SIAH3: variants seen among roughly 807,000 people sequenced by gnomAD.
SIAH3 encodes the protein siah E3 ubiquitin protein ligase family member 3.
Under a neutral mutation model 12.6 loss-of-function variants are expected in SIAH3, and 9 were observed. That is an observed-to-expected ratio of 0.72 (90% CI 0.43 to 1.25). The LOEUF is 1.25. SIAH3 is among the 50% of genes most tolerant of loss of function. The probability of loss-of-function intolerance (pLI) is 0.00; values close to 1 mark genes in which losing one functional copy is unlikely to be tolerated. For missense variants in SIAH3, 390 were observed against 365.4 expected (o/e 1.07, Z -0.55); for synonymous variants, 154 against 151.1 (o/e 1.02, Z -0.14).
At chr13:45,816,971 G>T (rs1806929917) in intron 1 of SIAH3, among the ~76,000 whole-genome samples, 1 of 152,200 alleles carries the variant, frequency 6.6e-6, no homozygotes, top group Non-Finnish European at 1.5e-5. Context: ...GATGCATCCT[G>T]CATCCTGTTT....
At chr13:45,817,306 G>A (rs961699409) in intron 1 of SIAH3, among the ~76,000 whole-genome samples, 3 of 152,236 alleles carry the variant, frequency 2.0e-5, no homozygotes, top group African/African-American at 7.2e-5. Context: ...GTGCAGGTTT[G>A]TAACCTAGGA....
chr13:45,826,621 C>G (rs1016742282), intron 1 of SIAH3, among the ~76,000 whole-genome samples: 15 of 152,078 alleles, frequency 9.9e-5, no homozygotes, highest in African/African-American at 3.6e-4. Flanking sequence ...CATGTTGCAG[C>G]CTTCATCACA....
intron 1 of SIAH3, among the ~76,000 whole-genome samples, chr13:45,815,276 A>G (rs1054038771): frequency 7.9e-5 from 12 of 152,078 alleles, no homozygotes; most frequent in African/African-American, 2.9e-4. Context: ...CATTTAAGTC[A>G]GTAAGACTTT....
intron 1 of SIAH3, among the ~76,000 whole-genome samples, chr13:45,794,500 C>T (rs944885629): frequency 1.3e-5 from 2 of 152,086 alleles, no homozygotes; most frequent in African/African-American, 4.8e-5. Context: ...ATTGTAGCTC[C>T]CATAATCCCC....
intron 1 of SIAH3, among the ~76,000 whole-genome samples, chr13:45,792,214 T>A (rs1006446253): frequency 6.6e-6 from 1 of 152,116 alleles, no homozygotes; most frequent in Admixed American, 6.5e-5. Context: ...GGTTGGGGTA[T>A]AAGCAGAGCT....
chr13:45,797,146 G>T (rs1417984579), intron 1 of SIAH3, among the ~76,000 whole-genome samples: 1 of 147,748 alleles, frequency 6.8e-6, no homozygotes, highest in Non-Finnish European at 1.5e-5. Context: ...CTCTATGCAG[G>T]TTTTTTTTTT....
chr13:45,797,076 A>G lies in SIAH3; in HGVS notation c.136-13019T>C, dbSNP rs1389478202. On this transcript the variant is annotated intron_variant, in intron 1 of 1. Coordinates refer to ENST00000400405, the MANE Select transcript of SIAH3 (RefSeq NM_198849.3). ...TAGTCACTGAGTATCTCTAAGGAAC[A>G]AGTTTATTAGTGTCTGCTAAGATAA... Among the ~76,000 whole-genome samples, 24 of 151,996 alleles carry G rather than the reference A, an allele frequency of 1.6e-4. 1 individual carries two copies. Among genetic ancestry groups the G allele is most frequent in the Admixed American group, 1.6e-3 (24 of 15,270 alleles).
At chr13:45,847,324 G>A (rs1274378142) in intron 1 of SIAH3, among the ~76,000 whole-genome samples, 2 of 152,198 alleles carry the variant, frequency 1.3e-5, no homozygotes, top group East Asian at 3.9e-4. Flanking sequence ...TGTGCTGTAT[G>A]AAACAGAGTT....
intron 1 of SIAH3, among the ~76,000 whole-genome samples, chr13:45,820,683 C>T (rs1003859930): frequency 6.6e-6 from 1 of 152,152 alleles, no homozygotes; most frequent in Non-Finnish European, 1.5e-5. Context: ...TCCGAAATCC[C>T]CTCCCGGAGC....
chr13:45,783,657 C>T lies in SIAH3; in HGVS notation c.536G>A (p.Gly179Glu). 1 of 1,614,058 alleles carries T rather than the reference C, an allele frequency of 6.2e-7. No homozygotes were observed. Among genetic ancestry groups the T allele is most frequent in the Non-Finnish European group, 8.5e-7 (1 of 1,179,938 alleles). The change falls in exon 2 of 2, where the codon GGG (glycine) becomes GAG (glutamate). Residue 179 changes from glycine (G) to glutamate (E), a missense_variant. Physicochemically the swap from Gly to Glu is moderately conservative, Grantham distance 98. Coordinates refer to ENST00000400405, the MANE Select transcript of SIAH3 (RefSeq NM_198849.3). ...LVLRKQERHE[G>E]HPQFFATMML... Reference sequence around the variant, plus strand: ...CATGGTGGCAAAGAACTGGGGGTGCCCTTCATGCCTCTCCTGTTTCCTCAG... The same window carrying T: ...CATGGTGGCAAAGAACTGGGGGTGCTCTTCATGCCTCTCCTGTTTCCTCAG...
intron 1 of SIAH3, among the ~76,000 whole-genome samples, chr13:45,833,466 T>TAC (rs1950706835): frequency 6.7e-6 from 1 of 149,172 alleles, no homozygotes; most frequent in Non-Finnish European, 1.5e-5. Context: ...TGCAAGAAAT[T>TAC]ACACACACAC....
chr13:45,824,325 T>C (rs1950666230), intron 1 of SIAH3, among the ~76,000 whole-genome samples: 1 of 152,214 alleles, frequency 6.6e-6, no homozygotes, highest in Non-Finnish European at 1.5e-5. Context: ...CAAAGGGTTG[T>C]AAGTTAGATT....
intron 1 of SIAH3, among the ~76,000 whole-genome samples, chr13:45,831,189 A>G (rs1467260924): frequency 7.2e-6 from 1 of 138,446 alleles, no homozygotes; most frequent in East Asian, 1.9e-4. Flanking sequence ...AAAATAAATA[A>G]ATAAATAAAT....
chr13:45,828,455 G>A (rs367693743), intron 1 of SIAH3, among the ~76,000 whole-genome samples: 22 of 152,284 alleles, frequency 1.4e-4, no homozygotes, highest in African/African-American at 4.1e-4. Flanking sequence ...ATTCTGTGTC[G>A]TAGCCCACTT....
chr13:45,831,489 C>T (rs1593386443), intron 1 of SIAH3, among the ~76,000 whole-genome samples: 2 of 152,282 alleles, frequency 1.3e-5, no homozygotes, highest in East Asian at 3.9e-4. Flanking sequence ...GTCTGTTATG[C>T]ATTCACTCAG....
At chr13:45,797,120 A>G (rs980396292) in intron 1 of SIAH3, among the ~76,000 whole-genome samples, 5 of 150,112 alleles carry the variant, frequency 3.3e-5, no homozygotes, top group South Asian at 2.1e-4. Flanking sequence ...ATCTACTTCA[A>G]CGCAATTCAA....
rs183423161 is a variant in SIAH3, at chr13:45,813,074, G to A, written c.136-29017C>T. The stretch of plus-strand genomic sequence containing the variant: ...CACTGTTCACACTTAGAAGGCGATT[G>A]CCTGGACCCAGTGGGAACGTGGTGA... On this transcript the variant is annotated intron_variant, in intron 1 of 1. Transcript: ENST00000400405. Among the ~76,000 whole-genome samples, 3 of 152,330 alleles carry A rather than the reference G, an allele frequency of 2.0e-5. No homozygotes were observed. In the East Asian group the frequency reaches 5.8e-4, roughly 29 times the overall value.
intron 1 of SIAH3, 64 bp from the exon 2 acceptor site, chr13:45,784,121 C>CTGA: frequency 6.9e-7 from 1 of 1,449,442 alleles, no homozygotes; most frequent in Non-Finnish European, 9.3e-7. Context: ...CGCCACTCCC[C>CTGA]TGATGTTCAA....
chr13:45,796,224 G>A (rs184375022), intron 1 of SIAH3, among the ~76,000 whole-genome samples: 1 of 151,504 alleles, frequency 6.6e-6, no homozygotes, highest in East Asian at 1.9e-4. Context: ...GTACTTCACT[G>A]CATGCTATAC....
Sources: gnomAD v4.1 joint callset for allele counts (sites outside exome capture counted in the v4.1 genomes callset) on GRCh38, gnomAD v4.1.1 for gene constraint, MANE v1.5 for transcripts, NCBI Gene and HGNC (gene_info 2026-07-23, HGNC 2026-07-21) for gene names.